Variants in ADGRE5 observed in about 807,000 individuals in gnomAD.
ADGRE5 encodes adhesion G protein-coupled receptor E5.
A neutral mutation model predicts 100.3 loss-of-function variants in ADGRE5; 72 were observed. The observed-to-expected ratio is 0.72, with a 90% confidence interval of 0.59 to 0.87. The LOEUF is 0.87. Among genes scored for constraint, ADGRE5 ranks in the 40% least tolerant of loss-of-function variants. The pLI is 0.00. For synonymous variants in ADGRE5, 439 were observed against 447.8 expected (o/e 0.98, Z 0.25); for missense variants, 959 against 1,094.7 (o/e 0.88, Z 1.75).
chr19:14,407,008 G>C, intron 17 of ADGRE5, 48 bp downstream of exon 17: 1 of 1,613,686 alleles, frequency 6.2e-7, no homozygotes, highest in Non-Finnish European at 8.5e-7. Flanking sequence ...GGGGTGAGGG[G>C]CATGAAGCTG....
rs774058089 is a variant in ADGRE5, at chr19:14,391,088, C to G, written c.346+9C>G. ...CGAGAACACCTGTCAAGGTAAGAAC[C>G]ACCCCACGTCCTCTGACTTTCCATC... On this transcript the variant is annotated intron_variant, in intron 4 of 19. Coordinates refer to ENST00000242786, the MANE Select transcript of ADGRE5 (RefSeq NM_078481.4). 6.2e-7 allele frequency: 1 copy of G among 1,614,114 alleles called. No homozygotes were observed. Among genetic ancestry groups the G allele is most frequent in the South Asian group, 1.1e-5 (1 of 91,086 alleles).
chr19:14,404,076 G>A (rs1337107990), intron 12 of ADGRE5, among the ~76,000 whole-genome samples: 3 of 151,452 alleles, frequency 2.0e-5, no homozygotes, highest in East Asian at 1.9e-4. Context: ...ACGGGGTTTC[G>A]CCATGTTGGC....
In ADGRE5 at chr19:14,397,211, A is replaced by C; in HGVS notation, c.613A>C (p.Thr205Pro). The change falls in exon 6 of 20, where the codon ACC becomes CCC. Residue 205 changes from threonine to proline, a missense_variant. Transcript: ENST00000242786. ...GGGGTCCCCCAATGGCCCAAACAAT[A>C]CCGTCTGTGAAGGTCGAGAGCTCAG... ...IPGSPNGPNN[T>P]VCEDVDECSS... 1 of 1,613,956 alleles carries C rather than the reference A, an allele frequency of 6.2e-7. No homozygotes were observed. The highest frequency in any genetic ancestry group is 8.5e-7 in the Non-Finnish European group (1 of 1,179,970).
chr19:14,399,499 G>A (rs1975922783), intron 9 of ADGRE5, among the ~76,000 whole-genome samples: 1 of 142,270 alleles, frequency 7.0e-6, no homozygotes, highest in Non-Finnish European at 1.5e-5. Context: ...GGGAAGCGGA[G>A]CTTGCAGTGA....
chr19:14,382,185 AC>A (rs1975182695), intron 1 of ADGRE5, among the ~76,000 whole-genome samples: 2 of 152,234 alleles, frequency 1.3e-5, no homozygotes, highest in South Asian at 4.1e-4. Context: ...TGCCTAAGCA[AC>A]GGGGCAACAA....
chr19:14,407,297 G>A, intron 18 of ADGRE5, 68 bp downstream of exon 18: 2 of 1,566,788 alleles, frequency 1.3e-6, no homozygotes, highest in Non-Finnish European at 1.7e-6. Context: ...GAGGTGGGAG[G>A]ATTGCTTGAG....
chr19:14,390,309 C>T (rs1400382352), intron 3 of ADGRE5, among the ~76,000 whole-genome samples: 1 of 150,124 alleles, frequency 6.7e-6, no homozygotes, highest in East Asian at 2.0e-4. Context: ...TACATTCTGG[C>T]TATGAGGTTT....
At chr19:14,385,736 G>A (rs1975324339) in intron 1 of ADGRE5, among the ~76,000 whole-genome samples, 1 of 152,138 alleles carries the variant, frequency 6.6e-6, no homozygotes, top group Non-Finnish European at 1.5e-5. Flanking sequence ...GGAGGTCCAG[G>A]GCATCTCAGA....
At chr19:14,402,952 ACT>A in intron 12 of ADGRE5, 90 bp downstream of exon 12, 1 of 1,317,520 alleles carries the variant, frequency 7.6e-7, no homozygotes, top group Non-Finnish European at 1.1e-6. Flanking sequence ...TCCCGACGTG[ACT>A]CAGTCTTTTA....
intron 4 of ADGRE5, among the ~76,000 whole-genome samples, chr19:14,395,887 G>A (rs1306827917): frequency 2.6e-5 from 4 of 152,250 alleles, no homozygotes; most frequent in African/African-American, 9.6e-5. Flanking sequence ...AGCTAGTGTG[G>A]ATGGGAGAGC....
intron 4 of ADGRE5, 102 bp from the exon 5 acceptor site, chr19:14,396,240 G>A: frequency 6.2e-6 from 10 of 1,606,114 alleles, no homozygotes; most frequent in Non-Finnish European, 6.8e-6. Flanking sequence ...AGGAGACAGT[G>A]GTGCCTTCCA....
At chr19:14,397,499 C>G (rs911843989) in intron 6 of ADGRE5, 159 bp from the exon 7 acceptor site, 2 of 724,284 alleles carry the variant, frequency 2.8e-6, no homozygotes, top group African/African-American at 3.6e-5. Context: ...CTGCACGGGG[C>G]CCACCTGCTG....
rs761314897 is a variant in ADGRE5, at chr19:14,391,092, C to T, written c.346+13C>T. On this transcript the variant is annotated intron_variant, in intron 4 of 19. Transcript: ENST00000242786. ...AACACCTGTCAAGGTAAGAACCACC[C>T]CACGTCCTCTGACTTTCCATCCATG... 26 of 1,613,978 alleles carry T rather than the reference C, an allele frequency of 1.6e-5. No homozygotes were observed. The highest frequency in any genetic ancestry group is 6.8e-6 in the Non-Finnish European group (8 of 1,179,848).
At chr19:14,388,635 C>T in intron 2 of ADGRE5, 67 bp from the exon 3 acceptor site, 1 of 1,608,074 alleles carries the variant, frequency 6.2e-7, no homozygotes, top group Non-Finnish European at 8.5e-7. Context: ...GCCCCATCTC[C>T]CCCAGTGCCC....
In ADGRE5 at chr19:14,401,049, G is replaced by A. The variant is rs1289980971; in HGVS notation, c.898-337G>A. Among the ~76,000 whole-genome samples, 1 of 151,766 alleles carries A rather than the reference G, an allele frequency of 6.6e-6. No homozygotes were observed. The highest frequency in any genetic ancestry group is 1.5e-5 in the Non-Finnish European group (1 of 67,952). On this transcript the variant is annotated intron_variant, in intron 9 of 19. Transcript: ENST00000242786. This position sits in a 1 kb window ranked among gnomAD's most constrained non-coding sequence, Gnocchi z 4.1. ...TGAGGTGGGAGGATCGCTTGAGTCT[G>A]GGAGGTGGAGGTTGCAGTGAGCTGA... is the stretch of plus-strand genomic sequence containing the variant.
At chr19:14,394,798 A>C (rs549650666) in intron 4 of ADGRE5, among the ~76,000 whole-genome samples, 49 of 152,276 alleles carry the variant, frequency 3.2e-4, no homozygotes, top group African/African-American at 1.1e-3. Flanking sequence ...GGGAATCTCA[A>C]GGACAGGACA....
Position 14,406,080 on chromosome 19 carries a change from C to A in ADGRE5, c.1821+141C>A. 1 of 778,620 alleles carries A rather than the reference C, an allele frequency of 1.3e-6. No homozygotes were observed. 48.2% of individuals were successfully genotyped at this position (778,620 alleles called of 1,614,324 possible). A position where few individuals can be genotyped will look rare whatever the true frequency, so the allele number is the denominator to read the frequency against. On this transcript the variant is annotated intron_variant, in intron 14 of 19. Transcript: ENST00000242786. This position sits in a 1 kb window ranked among gnomAD's most constrained non-coding sequence, Gnocchi z 6.0. The stretch of plus-strand genomic sequence containing the variant: ...CGCCCCTGTCCGGGATCTGGCCCCG[C>A]CCACCGGGGGGTCGGGTTGTCTCTT...
At chr19:14,395,886 G>A (rs915716431) in intron 4 of ADGRE5, among the ~76,000 whole-genome samples, 2 of 152,218 alleles carry the variant, frequency 1.3e-5, no homozygotes, top group Non-Finnish European at 2.9e-5. Flanking sequence ...GAGCTAGTGT[G>A]GATGGGAGAG....
rs375585368 is a variant in ADGRE5 at position 14,402,720 on chromosome 19, G to C, written c.1307G>C (p.Gly436Ala). The change falls in exon 12 of 20, where the codon GGT becomes GCT. Residue 436 changes from glycine to alanine, a missense_variant. Physicochemically the swap from Gly to Ala is moderately conservative, Grantham distance 60. Transcript: ENST00000242786. ...GAGATATATGAAAGCAGCATCCGTG[G>C]TGTCCAACTCAGACGCCTCTCTGCC... ...LEEIYESSIR[G>A]VQLRRLSAVN... 5.6e-6 allele frequency: 9 copies of C among 1,614,152 alleles called. No individual in the cohort carries two copies. The highest frequency in any genetic ancestry group is 3.3e-5 in the Admixed American group (2 of 60,000).
Sources: gnomAD v4.1 joint callset for allele counts (sites outside exome capture counted in the v4.1 genomes callset) on GRCh38, gnomAD v4.1.1 for gene constraint, Gnocchi (gnomAD v3.1) non-coding constraint, MANE v1.5 for transcripts, NCBI Gene and HGNC (gene_info 2026-07-23, HGNC 2026-07-21) for gene names.